Variants in LDLRAP1 observed in about 807,000 individuals in gnomAD.
LDLRAP1 encodes the protein low density lipoprotein receptor adapter protein 1.
Under a neutral mutation model 37.8 loss-of-function variants are expected in LDLRAP1, and 30 were observed. The observed-to-expected ratio is 0.79, with a 90% confidence interval of 0.59 to 1.08. The LOEUF (loss-of-function observed/expected upper bound fraction) is 1.08, where lower values mean the gene tolerates loss of function less well. Ranked by LOEUF, LDLRAP1 falls within the 50% of genes least tolerant of loss-of-function variation. LDLRAP1 has a pLI of 0.00. For missense variants in LDLRAP1, 375 were observed against 401.6 expected, an observed-to-expected ratio of 0.93 and a Z score of 0.57; for synonymous variants, 156 against 169.8, an observed-to-expected ratio of 0.92 and a Z score of 0.63.
intron 6 of LDLRAP1, 128 bp from the exon 7 acceptor site, chr1:25,563,533 C>G: frequency 7.8e-7 from 1 of 1,288,378 alleles, no homozygotes; most frequent in South Asian, 1.3e-5. Flanking sequence ...GGTGCCAGGG[C>G]CGGGCTCTGC....
chr1:25,547,633 C>T (rs755754941), intron 1 of LDLRAP1, among the ~76,000 whole-genome samples: 44 of 152,122 alleles, frequency 2.9e-4, no homozygotes, highest in Admixed American at 5.2e-4. Context: ...GGGCAGTTCC[C>T]GGAAGCCCGG....
chr1:25,559,935 G>T (rs2044304205), intron 4 of LDLRAP1, among the ~76,000 whole-genome samples: 1 of 152,202 alleles, frequency 6.6e-6, no homozygotes, highest in Admixed American at 6.5e-5. Flanking sequence ...AACCCAGGGG[G>T]GCTTAGTTCT....
At chr1:25,550,582 G>A (rs2044048960) in intron 1 of LDLRAP1, among the ~76,000 whole-genome samples, 1 of 152,218 alleles carries the variant, frequency 6.6e-6, no homozygotes, top group Non-Finnish European at 1.5e-5. Context: ...TGTGGGAGAA[G>A]AGACGGGGAA....
At position 25,567,188 on chromosome 1, in the gene LDLRAP1, A is replaced by C; in HGVS notation, c.*196A>C. 4 of 649,084 alleles carry C rather than the reference A, an allele frequency of 6.2e-6. No individual in the cohort carries two copies. The highest frequency in any genetic ancestry group is 2.8e-5 in the East Asian group (1 of 35,990). The allele number at this position is 649,084 out of a possible 1,614,324, so 40.2% of individuals were successfully genotyped here. On this transcript the variant is annotated 3_prime_UTR_variant, in exon 9 of 9. Transcript: ENST00000374338. The stretch of plus-strand genomic sequence containing the variant: ...GCCCTGCTCTTTCTCTGAGAACCAA[A>C]AGATGCCTTGAATATTTATTCAGTG...
chr1:25,544,330 C>T lies in LDLRAP1; in HGVS notation c.88+544C>T, dbSNP rs1053339574. Among the ~76,000 whole-genome samples the T allele has an allele frequency of 9.2e-5, 14 of 152,308 alleles. No homozygotes were observed. The highest frequency in any genetic ancestry group is 4.6e-4 in the Admixed American group (7 of 15,310). On this transcript the variant is annotated intron_variant, in intron 1 of 8. Coordinates refer to ENST00000374338, the MANE Select transcript of LDLRAP1 (RefSeq NM_015627.3). This position sits in a 1 kb window ranked among gnomAD's most constrained non-coding sequence, Gnocchi z 4.8. Reference sequence around the variant, plus strand: ...CCCAGACACCCATCCAGGTGTGAGCCCGGGGTCGCAGGTACGTACTTGAAA... The same window carrying T: ...CCCAGACACCCATCCAGGTGTGAGCTCGGGGTCGCAGGTACGTACTTGAAA...
intron 1 of LDLRAP1, among the ~76,000 whole-genome samples, chr1:25,549,466 G>C (rs1572025327): frequency 1.3e-5 from 2 of 152,238 alleles, no homozygotes; most frequent in East Asian, 3.8e-4. Flanking sequence ...TGACTCCCGG[G>C]TGGTTGGGGG....
At position 25,553,950 on chromosome 1, in the gene LDLRAP1, G is replaced by A. The variant is rs2044138823; in HGVS notation, c.117G>A (p.Arg39=). 1 of 1,613,874 alleles carries A rather than the reference G, an allele frequency of 6.2e-7. No homozygotes were observed. Among genetic ancestry groups the A allele is most frequent in the Admixed American group, 1.7e-5 (1 of 60,002 alleles). The change falls in exon 2 of 9, where the codon CGG becomes CGA. Residue 39 remains arginine, a synonymous_variant. Coordinates refer to ENST00000374338, the MANE Select transcript of LDLRAP1 (RefSeq NM_015627.3). ...RKLPENWTDT[R]ETLLEGMLFS... is the part of the protein sequence containing the mutation. The stretch of plus-strand genomic sequence containing the variant: ...TGCCTGAGAACTGGACAGACACGCG[G>A]GAGACGCTGCTGGAGGGGATGCTGT...
downstream of LDLRAP1, among the ~76,000 whole-genome samples, chr1:25,572,213 C>A (rs567792291): frequency 1.3e-5 from 2 of 152,316 alleles, no homozygotes; most frequent in East Asian, 3.9e-4. Context: ...CACAGAGTGG[C>A]CATCAGTGAG....
the LDLRAP1 span, among the ~76,000 whole-genome samples, chr1:25,586,600 ATG>A: frequency 1.1e-4 from 17 of 149,250 alleles, no homozygotes; most frequent in Middle Eastern, 3.5e-3. This position sits in a 1 kb window ranked among gnomAD's most constrained non-coding sequence, Gnocchi z 4.3. Flanking sequence ...GTGTGTGTGT[ATG>A]TGTTTTGGGT....
intron 5 of LDLRAP1, 92 bp downstream of exon 5, chr1:25,562,808 T>C: frequency 1.8e-6 from 2 of 1,140,562 alleles, no homozygotes; most frequent in East Asian, 2.4e-5. Context: ...TCCTGCCTCA[T>C]CACCCACCTG....
chr1:25,574,752 G>A, the LDLRAP1 span, among the ~76,000 whole-genome samples: 13 of 152,160 alleles, frequency 8.5e-5, no homozygotes, highest in African/African-American at 2.9e-4. Flanking sequence ...TGTTGGCTCC[G>A]TGGGCCTGTA....
chr1:25,553,635 T>TG (rs1327200317), intron 1 of LDLRAP1: 1 of 426,512 alleles, frequency 2.3e-6, no homozygotes, highest in East Asian at 4.9e-5. Flanking sequence ...GCAGATCACT[T>TG]GGGGTCAGGA....
chr1:25,567,196 T>C lies in LDLRAP1; in HGVS notation c.*204T>C. The C allele has an allele frequency of 1.6e-6, 1 of 640,706 alleles. No individual in the cohort carries two copies. The highest frequency in any genetic ancestry group is 2.5e-5 in the Admixed American group (1 of 40,466). 39.7% of individuals were successfully genotyped at this position (640,706 alleles called of 1,614,324 possible). Reference sequence around the variant, plus strand: ...CTTTCTCTGAGAACCAAAAGATGCCTTGAATATTTATTCAGTGACTTCTGG... The same window carrying C: ...CTTTCTCTGAGAACCAAAAGATGCCCTGAATATTTATTCAGTGACTTCTGG... On this transcript the variant is annotated 3_prime_UTR_variant, in exon 9 of 9. Transcript: ENST00000374338.
Position 25,554,839 on chromosome 1 carries a change from T to C in LDLRAP1, c.232-21T>C, listed in dbSNP as rs772573949. 4 of 1,602,996 alleles carry C rather than the reference T, an allele frequency of 2.5e-6. No homozygotes were observed. Among genetic ancestry groups the C allele is most frequent in the Non-Finnish European group, 2.6e-6 (3 of 1,170,858 alleles). The stretch of plus-strand genomic sequence containing the variant: ...CTCAAGTGAGGCTGGCAGACTCCTC[T>C]GACTCCTGTCTGCTCCCAAGGCTAA... On this transcript the variant is annotated intron_variant, in intron 2 of 8. Coordinates refer to ENST00000374338, the MANE Select transcript of LDLRAP1 (RefSeq NM_015627.3). This position sits in a 1 kb window ranked among gnomAD's most constrained non-coding sequence, Gnocchi z 5.4.
At chr1:25,573,049 T>C (rs2124712251), downstream of LDLRAP1, among the ~76,000 whole-genome samples, 1 of 149,938 alleles carries the variant, frequency 6.7e-6, no homozygotes, top group East Asian at 2.0e-4. Flanking sequence ...TCCTCACCTG[T>C]TAAATAGGAT....
At chr1:25,585,487 G>A in the LDLRAP1 span, among the ~76,000 whole-genome samples, 1 of 152,054 alleles carries the variant, frequency 6.6e-6, no homozygotes, top group Non-Finnish European at 1.5e-5. Flanking sequence ...CACCACGCCT[G>A]GCTAACTTTT....
At position 25,567,451 on chromosome 1, in the gene LDLRAP1, C is replaced by T; in HGVS notation, c.*459C>T. On this transcript the variant is annotated 3_prime_UTR_variant, in exon 9 of 9. Coordinates refer to ENST00000374338, the MANE Select transcript of LDLRAP1 (RefSeq NM_015627.3). ...GATTTCAGTGATTTTTCCCCCCACC[C>T]CCCAGCACAGGAGAGCACCCACAGC... 2 of 314,564 alleles carry T rather than the reference C, an allele frequency of 6.4e-6. No individual in the cohort carries two copies. The highest frequency in any genetic ancestry group is 5.3e-5 in the South Asian group (2 of 38,082). The allele number at this position is 314,564 out of a possible 1,614,324, so 19.5% of individuals were successfully genotyped here.
At chr1:25,563,999 A>G (rs1157933510) in intron 7 of LDLRAP1, 2 of 649,960 alleles carry the variant, frequency 3.1e-6, no homozygotes, top group East Asian at 2.8e-5. Context: ...CTTGGCTCCC[A>G]GCACAGCTGT....
chr1:25,565,095 C>T (rs2044441595), intron 7 of LDLRAP1, 78 bp from the exon 8 acceptor site: 2 of 1,526,086 alleles, frequency 1.3e-6, no homozygotes, highest in Admixed American at 1.7e-5. Flanking sequence ...GTAGCTTACC[C>T]AGGGCTGGGA....
Sources: gnomAD v4.1 joint callset for allele counts (sites outside exome capture counted in the v4.1 genomes callset) on GRCh38, gnomAD v4.1.1 for gene constraint, Gnocchi (gnomAD v3.1) non-coding constraint, MANE v1.5 for transcripts, NCBI Gene and HGNC (gene_info 2026-07-23, HGNC 2026-07-21) for gene names.